Variants in PRKCE observed in about 807,000 individuals in gnomAD.
PRKCE encodes the protein protein kinase C epsilon type.
A neutral mutation model predicts 85.4 loss-of-function variants in PRKCE; 16 were observed. The observed-to-expected ratio is 0.19, with a 90% CI of 0.13 to 0.28. PRKCE has a LOEUF of 0.28. PRKCE is among the 10% of genes least tolerant of loss of function. The pLI, the probability that PRKCE is intolerant of heterozygous loss-of-function variation, is 1.00. For missense variants in PRKCE, 573 were observed against 975.2 expected (o/e 0.59, Z 5.49); for synonymous variants, 388 against 371.5 (o/e 1.04, Z -0.51).
chr2:46,141,153 T>C (rs1675479157), intron 11 of PRKCE, among the ~76,000 whole-genome samples: 1 of 147,100 alleles, frequency 6.8e-6, no homozygotes, highest in African/African-American at 2.7e-5. Context: ...TGTGTATAGT[T>C]ACCCTCACAT....
intron 11 of PRKCE, among the ~76,000 whole-genome samples, chr2:46,086,844 G>C (rs894312550): frequency 3.9e-5 from 6 of 152,116 alleles, no homozygotes; most frequent in Non-Finnish European, 7.4e-5. Context: ...ATCTTGGGTG[G>C]GGAACAAGGA....
chr2:45,813,034 C>A (rs896099205), intron 1 of PRKCE, among the ~76,000 whole-genome samples: 3 of 152,180 alleles, frequency 2.0e-5, no homozygotes, highest in African/African-American at 7.2e-5. Flanking sequence ...AAAATTCTAT[C>A]TCTGGGGTTT....
chr2:45,846,882 A>T (rs1334391809), intron 2 of PRKCE, among the ~76,000 whole-genome samples: 1 of 152,228 alleles, frequency 6.6e-6, no homozygotes, highest in Non-Finnish European at 1.5e-5. Flanking sequence ...GATGATCAGT[A>T]AATATCATGA....
At chr2:45,983,619 A>T (rs1703071490) in intron 5 of PRKCE, among the ~76,000 whole-genome samples, 1 of 152,134 alleles carries the variant, frequency 6.6e-6, no homozygotes, top group African/African-American at 2.4e-5. Context: ...GGGACAGGGT[A>T]TGATAGTGCT....
chr2:46,102,548 A>G (rs754382911), intron 11 of PRKCE, among the ~76,000 whole-genome samples: 38 of 152,122 alleles, frequency 2.5e-4, no homozygotes, highest in Non-Finnish European at 4.1e-4. Context: ...CCAATTTCCT[A>G]AGTTTTTACC....
intron 1 of PRKCE, among the ~76,000 whole-genome samples, chr2:45,830,293 CGAGAGAGAGA>C (rs71912599): frequency 1.4e-5 from 2 of 146,208 alleles, no homozygotes; most frequent in African/African-American, 2.5e-5. Context: ...CAAAAACAAA[CGAGAGAGAGA>C]GAGAGAGAGA....
At chr2:46,127,019 C>A (rs1014323690) in intron 11 of PRKCE, among the ~76,000 whole-genome samples, 2 of 152,164 alleles carry the variant, frequency 1.3e-5, no homozygotes, top group Admixed American at 6.5e-5. Flanking sequence ...CTATTTTAAG[C>A]CTCCAGACCC....
chr2:45,843,711 C>G (rs1233893426), intron 2 of PRKCE, among the ~76,000 whole-genome samples: 1 of 152,154 alleles, frequency 6.6e-6, no homozygotes, highest in Non-Finnish European at 1.5e-5. Flanking sequence ...AGAAGGGAAG[C>G]CTAGAAAATA....
At chr2:45,717,966 GC>G (rs1680284365) in intron 1 of PRKCE, among the ~76,000 whole-genome samples, 1 of 152,186 alleles carries the variant, frequency 6.6e-6, no homozygotes, top group South Asian at 2.1e-4. Flanking sequence ...GCAAAGATGG[GC>G]CCCCTCAAGA....
At chr2:45,885,001 A>ATTTT (rs55883420) in intron 2 of PRKCE, among the ~76,000 whole-genome samples, 5 of 71,542 alleles carry the variant, frequency 7.0e-5, no homozygotes, top group African/African-American at 1.7e-4. Context: ...ATATATATAT[A>ATTTT]TTTGTTGTTG....
chr2:45,921,501 G>A (rs766586150), intron 2 of PRKCE, among the ~76,000 whole-genome samples: 1 of 152,204 alleles, frequency 6.6e-6, no homozygotes, highest in East Asian at 1.9e-4. Context: ...GACCCAACAA[G>A]TTATGTACTA....
intron 8 of PRKCE, 74 bp from the exon 9 acceptor site, chr2:46,007,388 C>A: frequency 6.9e-7 from 1 of 1,459,040 alleles, no homozygotes; most frequent in Non-Finnish European, 9.4e-7. Flanking sequence ...AGGGGAAAGT[C>A]TGAGTGTTGA....
intron 1 of PRKCE, among the ~76,000 whole-genome samples, chr2:45,751,182 G>A (rs1188887859): frequency 6.6e-6 from 1 of 152,148 alleles, no homozygotes; most frequent in Admixed American, 6.5e-5. Context: ...CTGTGCTCAT[G>A]TCTTTCACTC....
At chr2:45,939,386 C>A (rs913102285) in intron 2 of PRKCE, among the ~76,000 whole-genome samples, 1 of 152,258 alleles carries the variant, frequency 6.6e-6, no homozygotes, top group African/African-American at 2.4e-5. Flanking sequence ...CTTGGAGCTG[C>A]CCTTCCTTCC....
At chr2:46,050,589 G>A (rs1245632451) in intron 10 of PRKCE, among the ~76,000 whole-genome samples, 3 of 152,188 alleles carry the variant, frequency 2.0e-5, no homozygotes, top group Non-Finnish European at 4.4e-5. Flanking sequence ...TGTGGGGTGG[G>A]AAGGAAGAAA....
At chr2:46,181,439 A>G (rs867257614) in intron 14 of PRKCE, among the ~76,000 whole-genome samples, 3 of 152,338 alleles carry the variant, frequency 2.0e-5, no homozygotes, top group Middle Eastern at 6.8e-3. Flanking sequence ...GAAGAATGGC[A>G]TACTCTCTCA....
At chr2:46,067,730 T>C (rs898575038) in intron 10 of PRKCE, among the ~76,000 whole-genome samples, 1 of 152,176 alleles carries the variant, frequency 6.6e-6, no homozygotes, top group Non-Finnish European at 1.5e-5. Flanking sequence ...TTCCCGTTAG[T>C]TTAAAGCAGA....
At chr2:45,943,595 C>G (rs1421651726) in intron 2 of PRKCE, among the ~76,000 whole-genome samples, 1 of 152,224 alleles carries the variant, frequency 6.6e-6, no homozygotes, top group Non-Finnish European at 1.5e-5. Flanking sequence ...TCCTTCTTTC[C>G]AGAGCCTTTT....
chr2:45,656,006 G>A (rs1361804606), intron 1 of PRKCE, among the ~76,000 whole-genome samples: 4 of 152,160 alleles, frequency 2.6e-5, no homozygotes, highest in Admixed American at 2.0e-4. Flanking sequence ...AGGAATAAAG[G>A]CAGACAATCC....
Sources: allele counts gnomAD v4.1 joint callset (sites outside exome capture counted in the v4.1 genomes callset), GRCh38; gene constraint gnomAD v4.1.1; transcripts MANE v1.5; gene names NCBI Gene and HGNC (gene_info 2026-07-23, HGNC 2026-07-21).